Variants in CRYBG2 observed in about 807,000 individuals in gnomAD.
The protein encoded by CRYBG2 is beta/gamma crystallin domain-containing protein 2.
A neutral mutation model predicts 153.4 loss-of-function variants in CRYBG2; 106 were observed. The ratio of observed to expected loss-of-function variants is 0.69; its 90% CI spans 0.59 to 0.81. The LOEUF (loss-of-function observed/expected upper bound fraction) is 0.81. Ranked by LOEUF, CRYBG2 falls within the 30% of genes least tolerant of loss-of-function variation. The probability of loss-of-function intolerance (pLI) is 0.00; values close to 1 mark genes in which losing one functional copy is unlikely to be tolerated. For synonymous variants in CRYBG2, 851 were observed against 877.8 expected, an observed-to-expected ratio of 0.97 and a Z score of 0.54; for missense variants, 1,996 against 2,112.0, an observed-to-expected ratio of 0.95 and a Z score of 1.08.
At chr1:26,351,415 C>T (rs1226726090) in intron 1 of CRYBG2, among the ~76,000 whole-genome samples, 1 of 152,148 alleles carries the variant, frequency 6.6e-6, no homozygotes, top group East Asian at 1.9e-4. Flanking sequence ...CAATTACTCA[C>T]TCATTCAGTG....
intron 18 of CRYBG2, among the ~76,000 whole-genome samples, chr1:26,323,073 C>T (rs938584553): frequency 1.5e-5 from 2 of 134,454 alleles, no homozygotes; most frequent in African/African-American, 2.7e-5. Flanking sequence ...ATACCTGATA[C>T]TTTCTATTCT....
rs763561375 is a variant in CRYBG2 at position 26,331,485 on chromosome 1, T to G, written c.4314+4A>C. 6.2e-7 allele frequency: 1 copy of G among 1,608,194 alleles called. No homozygotes were observed. Among genetic ancestry groups the G allele is most frequent in the Non-Finnish European group, 8.5e-7 (1 of 1,175,464 alleles). On this transcript the variant is annotated splice_donor_region_variant and intron_variant, in intron 15 of 19. Transcript: ENST00000308182. Reference sequence around the variant, plus strand: ...ATTGCCTGGAACCAGACATGGAAACTCACCAGGGATACCTTCTGGAGAGAG... The same window carrying G: ...ATTGCCTGGAACCAGACATGGAAACGCACCAGGGATACCTTCTGGAGAGAG...
chr1:26,334,925 AAAAC>A (rs1022338192), intron 14 of CRYBG2, among the ~76,000 whole-genome samples: 21 of 146,028 alleles, frequency 1.4e-4, no homozygotes, highest in East Asian at 4.0e-4. Context: ...CCATCTCAAA[AAAAC>A]AAACAAACAA....
In CRYBG2 at chr1:26,344,076, T is replaced by C; in HGVS notation, c.2582A>G (p.His861Arg). Reference sequence around the variant, plus strand: ...GGAGACCTGGGTGGGTCTGGCAGGGTGGAGGTCCCTGGAGGGGCTGGGCCC... The same window carrying C: ...GGAGACCTGGGTGGGTCTGGCAGGGCGGAGGTCCCTGGAGGGGCTGGGCCC... ...KAGPSPSRDL[H>R]PARPTQVSCS... The change falls in exon 2 of 20, where the codon CAC becomes CGC. Residue 861 changes from histidine (H) to arginine (R), a missense_variant. Physicochemically the swap from His to Arg is conservative, Grantham distance 29. Coordinates refer to ENST00000308182, the MANE Select transcript of CRYBG2 (RefSeq NM_001039775.4). The C allele has an allele frequency of 6.5e-7, 1 of 1,536,052 alleles. No individual in the cohort carries two copies. Among genetic ancestry groups the C allele is most frequent in the South Asian group, 1.2e-5 (1 of 84,054 alleles).
chr1:26,337,667 A>G lies in CRYBG2; in HGVS notation c.3515T>C (p.Val1172Ala), dbSNP rs757538253. ...GCCCTGAAAGCCTGGGGCCTCATAC[A>G]CCACAGCCTGGGGGAAAGGGGCTGT... is the stretch of plus-strand genomic sequence containing the variant. Reference protein sequence around the residue: ...VEKPGEPRAVVYEAPGFQGRS... With the variant: ...VEKPGEPRAVAYEAPGFQGRS... Residue 1172 changes from valine (V) to alanine (A), a missense_variant, in exon 9 of 20, where the codon GTG becomes GCG. By Grantham distance (64) the Val-to-Ala change is moderately conservative. Coordinates refer to ENST00000308182, the MANE Select transcript of CRYBG2 (RefSeq NM_001039775.4). 1 of 1,611,186 alleles carries G rather than the reference A, an allele frequency of 6.2e-7. No homozygotes were observed. Among genetic ancestry groups the G allele is most frequent in the Non-Finnish European group, 8.5e-7 (1 of 1,179,780 alleles).
chr1:26,333,363 C>A (rs949225670), intron 14 of CRYBG2, among the ~76,000 whole-genome samples: 4 of 151,952 alleles, frequency 2.6e-5, no homozygotes, highest in Non-Finnish European at 5.9e-5. Context: ...GTCGGGAGTT[C>A]GAGGCCAGCC....
intron 5 of CRYBG2, among the ~76,000 whole-genome samples, chr1:26,341,580 G>A (rs982217358): frequency 6.6e-6 from 1 of 151,868 alleles, no homozygotes; most frequent in African/African-American, 2.4e-5. Flanking sequence ...TCCGCCTCCC[G>A]AGTTCAAGCG....
In CRYBG2 at chr1:26,346,588, G is replaced by C. The variant is rs1368153634; in HGVS notation, c.70C>G (p.Gln24Glu). ...RVVSATLTWR[Q>E]RPPTQEEIKH... ...ATCTCTTCCTGGGTGGGGGGCCGCT[G>C]CCGCCATGTCAATGTGGCACTTACC... The change falls in exon 2 of 20, where the codon CAG becomes GAG. Residue 24 changes from glutamine (Q) to glutamate (E), a missense_variant. Gln to Glu is a conservative substitution (Grantham distance 29). Transcript: ENST00000308182. This position sits in a 1 kb window ranked among gnomAD's most constrained non-coding sequence, Gnocchi z 4.9. 6.3e-7 allele frequency: 1 copy of C among 1,591,738 alleles called. No individual in the cohort carries two copies. The highest frequency in any genetic ancestry group is 8.6e-7 in the Non-Finnish European group (1 of 1,169,250).
intron 5 of CRYBG2, among the ~76,000 whole-genome samples, chr1:26,340,837 G>A (rs1053845165): frequency 1.3e-5 from 2 of 151,668 alleles, no homozygotes; most frequent in Non-Finnish European, 2.9e-5. Context: ...GGCTGGTCTT[G>A]AATTCCTGAC....
At chr1:26,349,442 T>G (rs2074263685) in intron 1 of CRYBG2, among the ~76,000 whole-genome samples, 1 of 152,318 alleles carries the variant, frequency 6.6e-6, no homozygotes. Context: ...CATGTCCAGC[T>G]GCTCCTGTGA....
In CRYBG2 at chr1:26,337,336, G is replaced by C. The variant is rs1163292731; in HGVS notation, c.3688C>G (p.Leu1230Val). Residue 1230 changes from leucine to valine, a missense_variant, in exon 10 of 20, where the codon CTG becomes GTG. Physicochemically the swap from Leu to Val is conservative, Grantham distance 32. Transcript: ENST00000308182. The stretch of plus-strand genomic sequence containing the variant: ...TCTGGGTATTCCCCCTCCTCCAGCA[G>C]ATACTGGTGGCCCCGGAAGCCCTCC... The part of the protein sequence containing the change: ...EKEGFRGHQY[L>V]LEEGEYPDWS... 1 of 1,613,932 alleles carries C rather than the reference G, an allele frequency of 6.2e-7. No homozygotes were observed.
Position 26,347,284 on chromosome 1 carries a change from G to GTTTTTTTT in CRYBG2, c.-55-580_-55-573dup, listed in dbSNP as rs1198055868. Reference sequence around the variant, plus strand: ...GAGAAACAATGAAACCTCCCCCTGCGTTTTTTTTTTTTTTTTTTTTTTTTT... The same window carrying GTTTTTTTT: ...GAGAAACAATGAAACCTCCCCCTGCGTTTTTTTTTTTTTTTTTTTTTTTTTTTTTTTTT... On this transcript the variant is annotated intron_variant, in intron 1 of 19. Coordinates refer to ENST00000308182, the MANE Select transcript of CRYBG2 (RefSeq NM_001039775.4). Among the ~76,000 whole-genome samples the GTTTTTTTT allele has an allele frequency of 8.3e-4, 61 of 73,892 alleles. 1 individual carries two copies. The highest frequency in any genetic ancestry group is 1.6e-3 in the African/African-American group (30 of 18,614). 48.5% of individuals were successfully genotyped at this position (73,892 alleles called of 152,430 possible).
intron 1 of CRYBG2, among the ~76,000 whole-genome samples, chr1:26,352,795 C>T (rs1369046834): frequency 2.0e-5 from 3 of 151,018 alleles, no homozygotes; most frequent in Non-Finnish European, 4.4e-5. Context: ...CTCCACCCCC[C>T]TTCCCTCTCT....
In CRYBG2 at chr1:26,344,831, T is replaced by A. The variant is rs1557717132; in HGVS notation, c.1827A>T (p.Ser609=). 1 of 1,533,384 alleles carries A rather than the reference T, an allele frequency of 6.5e-7. No homozygotes were observed. The highest frequency in any genetic ancestry group is 8.7e-7 in the Non-Finnish European group (1 of 1,145,690). The allele number at this position is 1,533,384 out of a possible 1,614,324, so 95.0% of individuals were successfully genotyped here. A position where few individuals can be genotyped will look rare whatever the true frequency, so the allele number is the denominator to read the frequency against. The part of the protein sequence containing the change: ...VVKGPCAPAA[S]SPTQKEVVQG... ...GCACCACCTCCTTCTGGGTGGGAGA[T>A]GAGGCAGCAGGAGCACAGGGGCCCT... Residue 609 remains serine, a synonymous_variant, in exon 2 of 20, where the codon TCA becomes TCT. Coordinates refer to ENST00000308182, the MANE Select transcript of CRYBG2 (RefSeq NM_001039775.4).
chr1:26,336,450 C>CCCCGCGGCCGCG lies in CRYBG2; in HGVS notation c.4039-92_4039-81dup. 1 of 1,570,882 alleles carries CCCCGCGGCCGCG rather than the reference C, an allele frequency of 6.4e-7. No homozygotes were observed. Among genetic ancestry groups the CCCCGCGGCCGCG allele is most frequent in the Admixed American group, 1.9e-5 (1 of 53,592 alleles). Reference sequence around the variant, plus strand: ...CTTCTCTAGGTTTCAGTACCGTCCACCCCGCGGCCGCGCCCTCGGCCCCGC... The same window carrying CCCCGCGGCCGCG: ...CTTCTCTAGGTTTCAGTACCGTCCACCCCGCGGCCGCGCCCGCGGCCGCGCCCTCGGCCCCGC... On this transcript the variant is annotated intron_variant, in intron 12 of 19. Transcript: ENST00000308182. This position sits in a 1 kb window ranked among gnomAD's most constrained non-coding sequence, Gnocchi z 4.9.
At position 26,338,404 on chromosome 1, in the gene CRYBG2, C is replaced by T. The variant is rs1183883992; in HGVS notation, c.3418G>A (p.Glu1140Lys). The T allele has an allele frequency of 2.5e-6, 4 of 1,613,440 alleles. No homozygotes were observed. Among genetic ancestry groups the T allele is most frequent in the African/African-American group, 1.3e-5 (1 of 74,892 alleles). The change falls in exon 7 of 20, where the codon GAG becomes AAG. Residue 1140 changes from glutamate to lysine, a missense_variant. Physicochemically the swap from Glu to Lys is moderately conservative, Grantham distance 56. Transcript: ENST00000308182. Reference sequence around the variant, plus strand: ...CTGGGGTCCGATGTGCCCCAGGCCTCTGAGGTGGGGTACTCTCCAGGTTCC... The same window carrying T: ...CTGGGGTCCGATGTGCCCCAGGCCTTTGAGGTGGGGTACTCTCCAGGTTCC... ...ILEPGEYPTS[E>K]AWGTSDPSVG...
At chr1:26,331,228 TTA>T (rs1327057651) in intron 15 of CRYBG2, among the ~76,000 whole-genome samples, 1 of 152,212 alleles carries the variant, frequency 6.6e-6, no homozygotes, top group Non-Finnish European at 1.5e-5. Context: ...CATGTAATCT[TTA>T]TGTCTATGGG....
In CRYBG2 at chr1:26,325,329, G is replaced by A. The variant is rs542524941; in HGVS notation, c.4579-1019C>T. 2.8e-4 allele frequency among the ~76,000 whole-genome samples: 42 copies of A among 152,302 alleles called. 1 individual carries two copies. In the South Asian group the frequency reaches 7.4e-3, roughly 27 times the overall value. On this transcript the variant is annotated intron_variant, in intron 17 of 19. Coordinates refer to ENST00000308182, the MANE Select transcript of CRYBG2 (RefSeq NM_001039775.4). The surrounding 1 kb of genome is among the most constrained non-coding windows in gnomAD (Gnocchi z 4.1). ...TCCCAGCACTTTGGGAGGCCAAGGC[G>A]GGTGGATCACCTGAGGTCAGGAGTT...
In CRYBG2 at chr1:26,336,279, G is replaced by C; in HGVS notation, c.4071+59C>G. ...GGCCGAGAACAGCGGGGAGGGGAAA[G>C]GTCCGAAATGAGGGGAGAGACGTGA... is the stretch of plus-strand genomic sequence containing the variant. On this transcript the variant is annotated intron_variant, in intron 13 of 19. Transcript: ENST00000308182. The surrounding 1 kb of genome is among the most constrained non-coding windows in gnomAD (Gnocchi z 4.9). The C allele has an allele frequency of 6.2e-7, 1 of 1,606,312 alleles. No individual in the cohort carries two copies. Among genetic ancestry groups the C allele is most frequent in the Non-Finnish European group, 8.5e-7 (1 of 1,175,620 alleles).
Sources: gnomAD v4.1 joint callset for allele counts (sites outside exome capture counted in the v4.1 genomes callset) on GRCh38, gnomAD v4.1.1 for gene constraint, Gnocchi (gnomAD v3.1) non-coding constraint, MANE v1.5 for transcripts, NCBI Gene and HGNC (gene_info 2026-07-23, HGNC 2026-07-21) for gene names.